DGKI: variants seen among roughly 807,000 people sequenced by gnomAD.
DGKI encodes DAG kinase iota.
DGKI carries 55 observed loss-of-function variants against 147.5 expected under a neutral mutation model. That is an observed-to-expected ratio of 0.37 (90% CI 0.30 to 0.47). The LOEUF (loss-of-function observed/expected upper bound fraction) is 0.47. DGKI is among the 20% of genes least tolerant of loss of function. DGKI has a pLI of 1.00. For missense variants in DGKI, 1,007 were observed against 1,323.8 expected (o/e 0.76, Z 3.71); for synonymous variants, 469 against 477.1 (o/e 0.98, Z 0.22).
At chr7:137,422,092 C>T (rs2128906529) in intron 28 of DGKI, among the ~76,000 whole-genome samples, 1 of 152,326 alleles carries the variant, frequency 6.6e-6, no homozygotes, top group South Asian at 2.1e-4. Flanking sequence ...AGCTGTATAT[C>T]AGCAATGATA....
intron 1 of DGKI, among the ~76,000 whole-genome samples, chr7:137,725,715 T>C (rs1333541101): frequency 6.6e-6 from 1 of 152,226 alleles, no homozygotes; most frequent in African/African-American, 2.4e-5. Context: ...TCTTTTCCTG[T>C]ACCTTTGTTT....
intron 1 of DGKI, among the ~76,000 whole-genome samples, chr7:137,758,247 A>G (rs1795747874): frequency 6.6e-6 from 1 of 152,186 alleles, no homozygotes; most frequent in Non-Finnish European, 1.5e-5. Flanking sequence ...TGGGTGAGCT[A>G]TGGGCTCATT....
At chr7:137,400,926 G>A (rs1398697645) in intron 30 of DGKI, among the ~76,000 whole-genome samples, 2 of 152,188 alleles carry the variant, frequency 1.3e-5, no homozygotes, top group African/African-American at 4.8e-5. Flanking sequence ...ATGGGAATGG[G>A]CAGCTATTTT....
intron 1 of DGKI, among the ~76,000 whole-genome samples, chr7:137,744,660 C>G (rs548745359): frequency 6.8e-4 from 103 of 152,170 alleles, no homozygotes; most frequent in African/African-American, 2.4e-3. Flanking sequence ...CACTAGCAAA[C>G]TGAATCCAGC....
At chr7:137,775,638 G>A (rs1034351323) in intron 1 of DGKI, among the ~76,000 whole-genome samples, 5 of 152,226 alleles carry the variant, frequency 3.3e-5, no homozygotes, top group East Asian at 1.9e-4. Context: ...ACAATTCCTC[G>A]TCTATAAGTC....
chr7:137,788,064 AT>A (rs1395750774), intron 1 of DGKI, among the ~76,000 whole-genome samples: 2 of 152,336 alleles, frequency 1.3e-5, no homozygotes, highest in South Asian at 2.1e-4. Flanking sequence ...TTATAAAAAT[AT>A]TTTGGTCACA....
chr7:137,442,047 A>G (rs1813531030), intron 28 of DGKI, among the ~76,000 whole-genome samples: 1 of 152,206 alleles, frequency 6.6e-6, no homozygotes, highest in African/African-American at 2.4e-5. Flanking sequence ...TATGGGCTAG[A>G]AAATGATGAA....
intron 21 of DGKI, among the ~76,000 whole-genome samples, chr7:137,499,420 A>G (rs1816092003): frequency 6.6e-6 from 1 of 152,118 alleles, no homozygotes; most frequent in African/African-American, 2.4e-5. Context: ...TGTCTGTGAG[A>G]GTGTTTCCAG....
chr7:137,466,002 C>T lies in DGKI; in HGVS notation c.2518G>A (p.Asp840Asn). ...HLHFVMEISQDEIFILDPDMV... is the reference protein window; with the variant it reads ...HLHFVMEISQNEIFILDPDMV... Reference sequence around the variant, plus strand: ...TCTGGGTCCAGAATAAAAATCTCATCTTGGGAAATCTCCATCACAAAGTGC... The same window carrying T: ...TCTGGGTCCAGAATAAAAATCTCATTTTGGGAAATCTCCATCACAAAGTGC... Residue 840 changes from aspartate to asparagine, a missense_variant, in exon 26 of 33, where the codon GAT becomes AAT. Asp to Asn is a conservative substitution (Grantham distance 23). Coordinates refer to ENST00000614521, the MANE Select transcript of DGKI (RefSeq NM_001321708.2). 1 of 1,614,042 alleles carries T rather than the reference C, an allele frequency of 6.2e-7. No homozygotes were observed.
At chr7:137,684,704 A>T (rs1300198348) in intron 2 of DGKI, among the ~76,000 whole-genome samples, 1 of 152,182 alleles carries the variant, frequency 6.6e-6, no homozygotes, top group Admixed American at 6.5e-5. Flanking sequence ...ATCTTCACTG[A>T]TTTATAGTGA....
intron 15 of DGKI, 70 bp downstream of exon 15, chr7:137,581,779 CA>C: frequency 7.5e-7 from 1 of 1,338,994 alleles, no homozygotes; most frequent in Non-Finnish European, 1.1e-6. Flanking sequence ...GATATACAAA[CA>C]AAAGGGAACA....
At chr7:137,525,969 C>T (rs834092) in intron 20 of DGKI, among the ~76,000 whole-genome samples, 4,848 of 151,252 alleles carry the variant, frequency 0.032, 217 homozygotes, top group East Asian at 0.11. Context: ...TTTTAAAAGG[C>T]CAACTAAAAA....
intron 15 of DGKI, among the ~76,000 whole-genome samples, chr7:137,580,664 A>T (rs1355761847): frequency 6.6e-6 from 1 of 152,058 alleles, no homozygotes; most frequent in Non-Finnish European, 1.5e-5. Context: ...GACTTTAAAG[A>T]TCTGTTCCTT....
At chr7:137,721,988 T>C (rs1794570256) in intron 1 of DGKI, 2 of 1,546,310 alleles carry the variant, frequency 1.3e-6, no homozygotes, top group Admixed American at 1.8e-5. Context: ...TCTTGCAAGA[T>C]GGCGGGTGAA....
At chr7:137,469,131 T>C (rs1178713764) in intron 24 of DGKI, among the ~76,000 whole-genome samples, 5 of 152,198 alleles carry the variant, frequency 3.3e-5, no homozygotes, top group South Asian at 2.1e-4. Flanking sequence ...TCCAGAAATG[T>C]ATACATCATA....
chr7:137,625,734 T>TTTAAAAAAA (rs1820913671), intron 6 of DGKI, among the ~76,000 whole-genome samples: 1 of 140,802 alleles, frequency 7.1e-6, no homozygotes, highest in Non-Finnish European at 1.5e-5. Context: ...CTTATCTCTA[T>TTTAAAAAAA]ATTAAAATTA....
chr7:137,497,610 A>G (rs1276974494), intron 21 of DGKI, among the ~76,000 whole-genome samples: 1 of 152,158 alleles, frequency 6.6e-6, no homozygotes, highest in African/African-American at 2.4e-5. Context: ...CTACATAGCC[A>G]TTAAAAAAAA....
chr7:137,663,449 C>T (rs950103202), intron 3 of DGKI, among the ~76,000 whole-genome samples: 2 of 152,198 alleles, frequency 1.3e-5, no homozygotes, highest in African/African-American at 4.8e-5. Flanking sequence ...AAAGGCATTC[C>T]AGCAGGAAAA....
chr7:137,794,323 T>C (rs1408404018), intron 1 of DGKI, among the ~76,000 whole-genome samples: 1 of 152,194 alleles, frequency 6.6e-6, no homozygotes, highest in African/African-American at 2.4e-5. Context: ...CTATTTATTC[T>C]TACCATAAAG....
Sources: allele counts gnomAD v4.1 joint callset (sites outside exome capture counted in the v4.1 genomes callset), GRCh38; gene constraint gnomAD v4.1.1; transcripts MANE v1.5; gene names NCBI Gene and HGNC (gene_info 2026-07-23, HGNC 2026-07-21).